The following PDE4D variants were observed in gnomAD, a reference collection of about 807,000 sequenced individuals.
PDE4D encodes phosphodiesterase 4D, also known as 3',5'-cyclic-AMP phosphodiesterase 4D.
In PDE4D, 24 loss-of-function variants were observed where a neutral mutation model predicts 87.4. That is an observed-to-expected ratio of 0.27 (90% CI 0.20 to 0.39). The LOEUF is 0.39. Among genes scored for constraint, PDE4D ranks in the 10% least tolerant of loss-of-function variants. The probability of loss-of-function intolerance (pLI) is 1.00; values close to 1 mark genes in which losing one functional copy is unlikely to be tolerated. For missense variants in PDE4D, 714 were observed against 1,041.0 expected, an observed-to-expected ratio of 0.69 and a Z score of 4.32; for synonymous variants, 384 against 383.2, an observed-to-expected ratio of 1.00 and a Z score of -0.02.
intron 6 of PDE4D, among the ~76,000 whole-genome samples, chr5:58,996,503 G>A (rs116642802): frequency 0.039 from 5,921 of 152,182 alleles, 147 homozygotes; most frequent in Non-Finnish European, 0.062. Flanking sequence ...AGGAGATGAG[G>A]CAAAGCTTTC....
At chr5:60,164,181 C>T (rs1465086382) in intron 2 of PDE4D, among the ~76,000 whole-genome samples, 1 of 151,852 alleles carries the variant, frequency 6.6e-6, no homozygotes, top group African/African-American at 2.4e-5. Context: ...GATGACAAAT[C>T]AAGCAATAGA....
intron 1 of PDE4D, among the ~76,000 whole-genome samples, chr5:59,454,913 G>A (rs1799686937): frequency 6.6e-6 from 1 of 152,184 alleles, no homozygotes; most frequent in Non-Finnish European, 1.5e-5. Flanking sequence ...CTAGAGATCT[G>A]TGGAACTTTG....
chr5:59,128,203 A>G (rs1775771393), intron 5 of PDE4D, among the ~76,000 whole-genome samples: 1 of 152,134 alleles, frequency 6.6e-6, no homozygotes, highest in African/African-American at 2.4e-5. Flanking sequence ...TCTCTGGATC[A>G]GAACCAGCGC....
At chr5:59,337,181 G>A (rs1022199960) in intron 1 of PDE4D, among the ~76,000 whole-genome samples, 7 of 152,180 alleles carry the variant, frequency 4.6e-5, no homozygotes, top group African/African-American at 1.4e-4. Context: ...TCACTCCACT[G>A]AACTAGCCCA....
At chr5:60,477,557 G>A (rs777037488) in intron 1 of PDE4D, among the ~76,000 whole-genome samples, 1 of 152,136 alleles carries the variant, frequency 6.6e-6, no homozygotes, top group African/African-American at 2.4e-5. Context: ...AATGACTTCT[G>A]GTAGACTGAG....
chr5:59,849,372 G>A (rs958340044), intron 1 of PDE4D, among the ~76,000 whole-genome samples: 1 of 151,874 alleles, frequency 6.6e-6, no homozygotes, highest in African/African-American at 2.4e-5. Flanking sequence ...AGAAACAAGA[G>A]CAACAAAGAG....
chr5:60,521,860 T>C (rs1751050442), intron 1 of PDE4D: 1 of 151,506 alleles, frequency 6.6e-6, no homozygotes, highest in Admixed American at 6.6e-5. Flanking sequence ...GGCCAAGAGC[T>C]CAGCCTAAGC....
chr5:59,978,321 A>G (rs1452988516), intron 3 of PDE4D, among the ~76,000 whole-genome samples: 2 of 152,204 alleles, frequency 1.3e-5, no homozygotes, highest in Non-Finnish European at 2.9e-5. Context: ...GGCATAGGTC[A>G]AAATATCAAC....
intron 2 of PDE4D, among the ~76,000 whole-genome samples, chr5:60,003,387 A>G (rs1339803085): frequency 1.3e-5 from 2 of 152,088 alleles, no homozygotes; most frequent in African/African-American, 4.8e-5. Context: ...TATGAAACCA[A>G]AAAAGACCCT....
At chr5:60,250,610 A>G (rs569080874) in intron 1 of PDE4D, among the ~76,000 whole-genome samples, 1 of 152,110 alleles carries the variant, frequency 6.6e-6, no homozygotes, top group East Asian at 1.9e-4. Context: ...TCATAATGGA[A>G]AGCAGTACTT....
chr5:59,747,599 AC>A (rs1295462510), intron 1 of PDE4D, among the ~76,000 whole-genome samples: 1 of 151,858 alleles, frequency 6.6e-6, no homozygotes, highest in Non-Finnish European at 1.5e-5. Context: ...CTCTCCTCAA[AC>A]CTCCAACATC....
chr5:60,405,278 T>C (rs1741436079), intron 1 of PDE4D, among the ~76,000 whole-genome samples: 1 of 152,220 alleles, frequency 6.6e-6, no homozygotes, highest in African/African-American at 2.4e-5. Flanking sequence ...CTGTCCAGTT[T>C]TCCCAAGAGG....
chr5:59,198,059 A>G (rs1745858755), intron 2 of PDE4D, among the ~76,000 whole-genome samples: 1 of 152,212 alleles, frequency 6.6e-6, no homozygotes, highest in Admixed American at 6.5e-5. Flanking sequence ...CACACAGTGA[A>G]TATCGCCTGG....
intron 5 of PDE4D, among the ~76,000 whole-genome samples, chr5:59,157,735 C>A (rs1219083644): frequency 6.6e-6 from 1 of 152,142 alleles, no homozygotes; most frequent in Non-Finnish European, 1.5e-5. Context: ...TTGGCTAATA[C>A]TTCTCCCTCC....
intron 1 of PDE4D, among the ~76,000 whole-genome samples, chr5:60,282,208 C>CATATATATATACATATATATAT (rs1235728150): frequency 4.7e-5 from 6 of 128,380 alleles, no homozygotes; most frequent in African/African-American, 1.7e-4. Flanking sequence ...GAGAAATAAA[C>CATATATATATACATATATATAT]ATATATATAT....
rs368639884 is a variant in PDE4D at position 59,927,340 on chromosome 5, G to T, written c.272+61148C>A. Among the ~76,000 whole-genome samples, 9 of 152,196 alleles carry T rather than the reference G, an allele frequency of 5.9e-5. No homozygotes were observed. The South Asian group carries it at 1.4e-3, about 25-fold the overall frequency. On this transcript the variant is annotated intron_variant, in intron 3 of 16. Transcript: ENST00000502484. ...TTCCTCCTCTCTCCTCCCAGACCTA[G>T]GAGGTTAAATTAATATAGTGTGAAT... is the stretch of plus-strand genomic sequence containing the variant.
chr5:59,763,705 GA>G (rs1762452391), intron 1 of PDE4D, among the ~76,000 whole-genome samples: 1 of 152,140 alleles, frequency 6.6e-6, no homozygotes, highest in Non-Finnish European at 1.5e-5. Context: ...TCCTGCTGAT[GA>G]TAGAGGGAAT....
intron 1 of PDE4D, among the ~76,000 whole-genome samples, chr5:60,260,277 G>T (rs1037211296): frequency 6.6e-6 from 1 of 151,884 alleles, no homozygotes; most frequent in African/African-American, 2.4e-5. Flanking sequence ...TAAATTACCC[G>T]CCCAAAGTCA....
intron 2 of PDE4D, among the ~76,000 whole-genome samples, chr5:60,063,157 G>GGAAA (rs1213251867): frequency 3.1e-5 from 3 of 95,496 alleles, no homozygotes; most frequent in African/African-American, 1.1e-4. Flanking sequence ...AAAGAAAGAA[G>GGAAA]GAAAGAAAGA....
Sources: gnomAD v4.1 joint callset for allele counts (sites outside exome capture counted in the v4.1 genomes callset) on GRCh38, gnomAD v4.1.1 for gene constraint, MANE v1.5 for transcripts, NCBI Gene and HGNC (gene_info 2026-07-23, HGNC 2026-07-21) for gene names.